SVEP1: variants seen among roughly 807,000 people sequenced by gnomAD.
The protein encoded by SVEP1 is sushi, von Willebrand factor type A, EGF and pentraxin domain containing 1.
A neutral mutation model predicts 367.3 loss-of-function variants in SVEP1; 164 were observed. The ratio of observed to expected loss-of-function variants is 0.45; its 90% CI spans 0.39 to 0.51. The LOEUF (loss-of-function observed/expected upper bound fraction) is 0.51. Among genes scored for constraint, SVEP1 ranks in the 20% least tolerant of loss-of-function variants. The pLI, the probability that SVEP1 is intolerant of heterozygous loss-of-function variation, is 0.00. For missense variants in SVEP1, 4,117 were observed against 4,425.3 expected (o/e 0.93, Z 1.98); for synonymous variants, 1,666 against 1,611.6 (o/e 1.03, Z -0.81).
intron 14 of SVEP1, among the ~76,000 whole-genome samples, chr9:110,475,562 G>A (rs111620861): frequency 0.045 from 6,525 of 143,922 alleles, 483 homozygotes; most frequent in African/African-American, 0.16. Flanking sequence ...TTGATACAAA[G>A]TCTCACTTTG....
At chr9:110,563,812 T>C (rs563218199) in intron 1 of SVEP1, among the ~76,000 whole-genome samples, 2 of 152,182 alleles carry the variant, frequency 1.3e-5, no homozygotes, top group African/African-American at 2.4e-5. Flanking sequence ...TCTTTGTATA[T>C]CTTCTTCATT....
At chr9:110,554,722 ATGTGCG>A (rs1160972479) in intron 1 of SVEP1, among the ~76,000 whole-genome samples, 3 of 121,450 alleles carry the variant, frequency 2.5e-5, no homozygotes, top group Non-Finnish European at 5.2e-5. Flanking sequence ...GTATGTATAG[ATGTGCG>A]TGTGTGTGTG....
chr9:110,457,238 T>A lies in SVEP1; in HGVS notation c.3673+18A>T. ...CATATAAAATATATTAAAATCTACA[T>A]TCCTCTTGGTTATTTACCTGTATAT... On this transcript the variant is annotated intron_variant, in intron 21 of 47. Coordinates refer to ENST00000374469, the MANE Select transcript of SVEP1 (RefSeq NM_153366.4). 1 of 1,547,626 alleles carries A rather than the reference T, an allele frequency of 6.5e-7. No homozygotes were observed. Among genetic ancestry groups the A allele is most frequent in the Non-Finnish European group, 8.8e-7 (1 of 1,141,660 alleles).
chr9:110,427,236 T>C (rs1828267161), intron 36 of SVEP1, among the ~76,000 whole-genome samples: 1 of 144,720 alleles, frequency 6.9e-6, no homozygotes, highest in African/African-American at 2.6e-5. Flanking sequence ...AGGTGGAGAT[T>C]GCAGTAAGCC....
In SVEP1 at chr9:110,387,269, T is replaced by G. The variant is rs777716373; in HGVS notation, c.10060+16A>C. 6.4e-7 allele frequency: 1 copy of G among 1,559,986 alleles called. No individual in the cohort carries two copies. Among genetic ancestry groups the G allele is most frequent in the South Asian group, 1.2e-5 (1 of 81,798 alleles). On this transcript the variant is annotated intron_variant, in intron 42 of 47. Coordinates refer to ENST00000374469, the MANE Select transcript of SVEP1 (RefSeq NM_153366.4). ...AACTGAATCTGATTAAAATTTCTCC[T>G]AAAGGCAACACACACGTTTGCAGAG... is the stretch of plus-strand genomic sequence containing the variant.
At chr9:110,370,692 T>C (rs891328246) in intron 46 of SVEP1, among the ~76,000 whole-genome samples, 1 of 152,184 alleles carries the variant, frequency 6.6e-6, no homozygotes, top group Non-Finnish European at 1.5e-5. Flanking sequence ...CATAATCTCA[T>C]AACCAAACTC....
At chr9:110,417,337 G>A (rs1828142378) in intron 36 of SVEP1, among the ~76,000 whole-genome samples, 1 of 115,916 alleles carries the variant, frequency 8.6e-6, no homozygotes, top group South Asian at 3.4e-4. Context: ...CCCTTTCCCA[G>A]TCAAAGAAAG....
At chr9:110,474,467 T>C (rs1829069597) in intron 14 of SVEP1, among the ~76,000 whole-genome samples, 1 of 152,210 alleles carries the variant, frequency 6.6e-6, no homozygotes, top group Admixed American at 6.5e-5. Flanking sequence ...TGCTTGTTTT[T>C]AGGATCACAG....
intron 43 of SVEP1, among the ~76,000 whole-genome samples, chr9:110,382,709 A>G (rs142338928): frequency 1.3e-3 from 200 of 152,276 alleles, no homozygotes; most frequent in African/African-American, 4.1e-3. Flanking sequence ...CCGATCAATC[A>G]TAGGTTCGGT....
chr9:110,543,666 G>T (rs1801686267), intron 3 of SVEP1, among the ~76,000 whole-genome samples: 1 of 152,186 alleles, frequency 6.6e-6, no homozygotes, highest in African/African-American at 2.4e-5. Context: ...GCTGTAGGCA[G>T]CCACAGGCCA....
intron 9 of SVEP1, among the ~76,000 whole-genome samples, chr9:110,488,191 G>A (rs1265801923): frequency 6.6e-6 from 1 of 152,190 alleles, no homozygotes; most frequent in East Asian, 1.9e-4. Context: ...TAGGTGGTTG[G>A]CTGTGTCCTT....
chr9:110,567,415 C>G (rs1292672700), intron 1 of SVEP1, among the ~76,000 whole-genome samples: 1 of 152,154 alleles, frequency 6.6e-6, no homozygotes, highest in Admixed American at 6.5e-5. Context: ...CTTCAGCCAC[C>G]TTTGCCTACT....
chr9:110,444,668 G>A (rs1032003652), intron 26 of SVEP1, among the ~76,000 whole-genome samples: 2 of 152,098 alleles, frequency 1.3e-5, no homozygotes, highest in African/African-American at 2.4e-5. Flanking sequence ...AAAAAGAAAC[G>A]ATTAGAGAAA....
intron 27 of SVEP1, 105 bp downstream of exon 27, chr9:110,443,440 T>C (rs1828543752): frequency 9.5e-7 from 1 of 1,050,748 alleles, no homozygotes; most frequent in African/African-American, 1.7e-5. Context: ...TAGCTGTTAA[T>C]CTTTGTTTGA....
chr9:110,394,531 G>T (rs1362934037), intron 40 of SVEP1, among the ~76,000 whole-genome samples: 1 of 152,130 alleles, frequency 6.6e-6, no homozygotes, highest in Non-Finnish European at 1.5e-5. Context: ...AGAGAAGAAG[G>T]CTTCAGATGA....
At chr9:110,448,129 ATGTG>A (rs143871165) in intron 24 of SVEP1, among the ~76,000 whole-genome samples, 14 of 142,968 alleles carry the variant, frequency 9.8e-5, no homozygotes, top group East Asian at 4.1e-4. Flanking sequence ...AAGAAAGTGA[ATGTG>A]TGTGTGTGTG....
Position 110,400,893 on chromosome 9 carries a change from G to T in SVEP1, c.9783C>A (p.Ser3261Arg). 6.2e-7 allele frequency: 1 copy of T among 1,613,758 alleles called. No homozygotes were observed. The highest frequency in any genetic ancestry group is 8.5e-7 in the Non-Finnish European group (1 of 1,179,812). The stretch of plus-strand genomic sequence containing the variant: ...CAGGCTCACACTGATAAATAATTGT[G>T]CTTTCAAAGGTGTATTTACTGCCAA... ...FVVGSKYTFE[S>R]TIIYQCEPGY... The change falls in exon 40 of 48, where the codon AGC becomes AGA. Residue 3261 changes from serine (S) to arginine (R), a missense_variant. Ser to Arg is a moderately radical substitution (Grantham distance 110, BLOSUM62 -1). Coordinates refer to ENST00000374469, the MANE Select transcript of SVEP1 (RefSeq NM_153366.4).
At chr9:110,439,010 T>C (rs1828473618) in intron 27 of SVEP1, among the ~76,000 whole-genome samples, 1 of 152,210 alleles carries the variant, frequency 6.6e-6, no homozygotes, top group Non-Finnish European at 1.5e-5. Context: ...TTTAGAATTC[T>C]TACTTTAGCT....
chr9:110,576,037 G>A (rs1345131772), intron 1 of SVEP1, among the ~76,000 whole-genome samples: 1 of 152,112 alleles, frequency 6.6e-6, no homozygotes, highest in Admixed American at 6.5e-5. Context: ...GGCTGCATGT[G>A]GAGGGCAGGT....
Sources: allele counts gnomAD v4.1 joint callset (sites outside exome capture counted in the v4.1 genomes callset), GRCh38; gene constraint gnomAD v4.1.1; transcripts MANE v1.5; gene names NCBI Gene and HGNC (gene_info 2026-07-23, HGNC 2026-07-21).